The following OLFM2 variants were observed in gnomAD, a reference collection of about 807,000 sequenced individuals.
The protein encoded by OLFM2 is olfactomedin 2, also known as noelin-2.
In OLFM2, 20 loss-of-function variants were observed where a neutral mutation model predicts 43.9. The observed-to-expected ratio is 0.46, with a 90% CI of 0.32 to 0.66. The LOEUF (loss-of-function observed/expected upper bound fraction) is 0.66, where lower values mean the gene tolerates loss of function less well. OLFM2 is among the 30% of genes least tolerant of loss of function. The pLI, the probability that OLFM2 is intolerant of heterozygous loss-of-function variation, is 0.04. For synonymous variants in OLFM2, 268 were observed against 278.6 expected (o/e 0.96, Z 0.38); for missense variants, 416 against 643.6 (o/e 0.65, Z 3.83).
At chr19:9,867,708 A>G (rs1012981768) in intron 1 of OLFM2, among the ~76,000 whole-genome samples, 6 of 152,148 alleles carry the variant, frequency 3.9e-5, no homozygotes, top group African/African-American at 7.2e-5. Flanking sequence ...TTTGGAGGAC[A>G]GCCTGCCAGT....
intron 1 of OLFM2, among the ~76,000 whole-genome samples, chr19:9,868,223 C>T (rs922875488): frequency 1.3e-5 from 2 of 152,022 alleles, no homozygotes; most frequent in Admixed American, 6.6e-5. Context: ...CCATTATGCC[C>T]GGCTAATTTT....
At chr19:9,915,660 G>T (rs913477628) in intron 1 of OLFM2, among the ~76,000 whole-genome samples, 1 of 152,024 alleles carries the variant, frequency 6.6e-6, no homozygotes, top group African/African-American at 2.4e-5. Flanking sequence ...TGGGACTACA[G>T]GCACCCACCA....
intron 1 of OLFM2, among the ~76,000 whole-genome samples, chr19:9,895,006 A>G (rs1038823889): frequency 3.9e-5 from 6 of 152,058 alleles, no homozygotes; most frequent in African/African-American, 1.4e-4. Context: ...TTCTTATCCA[A>G]CATTCCTTAT....
chr19:9,869,890 G>T (rs571636405), intron 1 of OLFM2, among the ~76,000 whole-genome samples: 1 of 152,240 alleles, frequency 6.6e-6, no homozygotes, highest in Admixed American at 6.5e-5. Flanking sequence ...AAAATGCTGG[G>T]ATTACAGGCA....
chr19:9,913,417 G>GGCGGCA (rs1299221687), intron 1 of OLFM2: 3 of 924,364 alleles, frequency 3.2e-6, no homozygotes, highest in Non-Finnish European at 3.9e-6. Context: ...GGGCTGCGGC[G>GGCGGCA]GCGGCAGCGG....
intron 1 of OLFM2, among the ~76,000 whole-genome samples, chr19:9,917,965 A>G (rs1366594455): frequency 6.6e-6 from 1 of 152,018 alleles, no homozygotes; most frequent in Non-Finnish European, 1.5e-5. Context: ...TGCAACCTCC[A>G]TCTCCTGGGT....
intron 1 of OLFM2, among the ~76,000 whole-genome samples, chr19:9,894,814 C>G (rs1290827952): frequency 1.3e-5 from 2 of 152,132 alleles, no homozygotes; most frequent in Non-Finnish European, 2.9e-5. Flanking sequence ...TTATCTTTCT[C>G]TAAGGAGTCT....
At chr19:9,912,473 G>C (rs1324520110) in intron 1 of OLFM2, among the ~76,000 whole-genome samples, 1 of 152,164 alleles carries the variant, frequency 6.6e-6, no homozygotes, top group African/African-American at 2.4e-5. Flanking sequence ...CTGGGTTTGG[G>C]GGATGATTTG....
At chr19:9,876,330 G>C (rs961498137) in intron 1 of OLFM2, among the ~76,000 whole-genome samples, 9 of 152,140 alleles carry the variant, frequency 5.9e-5, no homozygotes, top group Non-Finnish European at 1.2e-4. Context: ...ATTTCACACC[G>C]ATAGCCAGGG....
chr19:9,857,751 C>T lies in OLFM2; in HGVS notation c.324G>A (p.Arg108=). 1 of 1,614,114 alleles carries T rather than the reference C, an allele frequency of 6.2e-7. No individual in the cohort carries two copies. The highest frequency in any genetic ancestry group is 8.5e-7 in the Non-Finnish European group (1 of 1,180,018). ...TLMRSLDARL[R]AADGSLSAKS... ...TGGCCGAGAGGGACCCATCAGCTGC[C>T]CGGAGCCGCGCATCCAGGCTCCGCA... Residue 108 remains arginine (R), a synonymous_variant, in exon 3 of 6, where the codon CGG becomes CGA. Coordinates refer to ENST00000264833, the MANE Select transcript of OLFM2 (RefSeq NM_058164.4). This position sits in a 1 kb window ranked among gnomAD's most constrained non-coding sequence, Gnocchi z 5.7.
rs185656067 is a variant in OLFM2 at position 9,929,034 on chromosome 19, T to C, written c.63+7270A>G. ...GAGTTCGAGGCCTGCCTGGGCACCA[T>C]GGCAAGACCCCATCTCAAAAAGAAA... On this transcript the variant is annotated intron_variant, in intron 1 of 5. Coordinates refer to ENST00000264833, the MANE Select transcript of OLFM2 (RefSeq NM_058164.4). Among the ~76,000 whole-genome samples, 500 of 151,742 alleles carry C rather than the reference T, an allele frequency of 3.3e-3. 2 individuals are homozygous for C. The highest frequency in any genetic ancestry group is 0.012 in the South Asian group (56 of 4,796).
At chr19:9,929,520 C>T (rs1274043846) in intron 1 of OLFM2, among the ~76,000 whole-genome samples, 1 of 151,906 alleles carries the variant, frequency 6.6e-6, no homozygotes, top group African/African-American at 2.4e-5. Flanking sequence ...AGCTTGAACT[C>T]GGGAGGTGGA....
Position 9,883,915 on chromosome 19 carries a change from C to T in OLFM2, c.64-23121G>A, listed in dbSNP as rs183623740. Among the ~76,000 whole-genome samples, 209 of 152,262 alleles carry T rather than the reference C, an allele frequency of 1.4e-3. 1 individual carries two copies. Among genetic ancestry groups the T allele is most frequent in the Middle Eastern group, 6.8e-3 (2 of 294 alleles). On this transcript the variant is annotated intron_variant, in intron 1 of 5. Transcript: ENST00000264833. The stretch of plus-strand genomic sequence containing the variant: ...TGTAAAACGAGGTGAACAGCAGCAT[C>T]CCCCTCTTAGGGCAGTCACGGAGGT...
At chr19:9,918,755 A>G (rs530457008) in intron 1 of OLFM2, among the ~76,000 whole-genome samples, 1 of 152,332 alleles carries the variant, frequency 6.6e-6, no homozygotes, top group African/African-American at 2.4e-5. Flanking sequence ...AAGTAAAAGG[A>G]GCCAGACGCA....
intron 1 of OLFM2, among the ~76,000 whole-genome samples, chr19:9,862,575 C>A (rs2046372253): frequency 6.6e-6 from 1 of 151,542 alleles, no homozygotes; most frequent in Non-Finnish European, 1.5e-5. Context: ...CAGCTACTCA[C>A]AAGGCTGAGG....
intron 1 of OLFM2, 95 bp from the exon 2 acceptor site, chr19:9,860,889 C>T (rs759113031): frequency 1.0e-4 from 137 of 1,325,766 alleles, no homozygotes; most frequent in Non-Finnish European, 1.4e-4. Flanking sequence ...ACCACAGATG[C>T]CCTTTGCTGG....
At position 9,881,661 on chromosome 19, in the gene OLFM2, TTTAA is replaced by T. The variant is rs1229425221; in HGVS notation, c.64-20871_64-20868del. Among the ~76,000 whole-genome samples the T allele has an allele frequency of 2.3e-4, 8 of 35,196 alleles. No homozygotes were observed. The Admixed American group carries it at 3.0e-3, about 13-fold the overall frequency. The allele number at this position is 35,196 out of a possible 152,430, so 23.1% of individuals were successfully genotyped here. On this transcript the variant is annotated intron_variant, in intron 1 of 5. Coordinates refer to ENST00000264833, the MANE Select transcript of OLFM2 (RefSeq NM_058164.4). ...TGCATGCCACCATGTCCCACTAATTTTTAATTTTTTTTTTTTTACAGTTGGGGGG... is the reference window on the plus strand; with the variant it reads ...TGCATGCCACCATGTCCCACTAATTTTTTTTTTTTTTTTACAGTTGGGGGG...
chr19:9,889,933 T>A (rs1038952820), intron 1 of OLFM2, among the ~76,000 whole-genome samples: 13 of 150,656 alleles, frequency 8.6e-5, no homozygotes, highest in African/African-American at 3.2e-4. Context: ...TTTTTTTTTT[T>A]ATATCTGCCT....
At chr19:9,894,539 G>A (rs915373602) in intron 1 of OLFM2, among the ~76,000 whole-genome samples, 1 of 151,214 alleles carries the variant, frequency 6.6e-6, no homozygotes, top group Admixed American at 6.6e-5. Flanking sequence ...GAGAAACCCC[G>A]TCTCTACTAA....
Sources: allele counts gnomAD v4.1 joint callset (sites outside exome capture counted in the v4.1 genomes callset), GRCh38; gene constraint gnomAD v4.1.1; non-coding constraint Gnocchi (gnomAD v3.1); transcripts MANE v1.5; gene names NCBI Gene and HGNC (gene_info 2026-07-23, HGNC 2026-07-21).